GNAS: variants seen among roughly 807,000 people sequenced by gnomAD.
The protein encoded by GNAS is protein ALEX.
Under a neutral mutation model 54.5 loss-of-function variants are expected in GNAS, and 8 were observed. The ratio of observed to expected loss-of-function variants is 0.15; its 90% confidence interval spans 0.09 to 0.26. The LOEUF (loss-of-function observed/expected upper bound fraction) is 0.26. GNAS is among the 10% of genes least tolerant of loss of function. The pLI is 1.00. For missense variants in GNAS, 170 were observed against 529.8 expected (o/e 0.32, Z 6.67); for synonymous variants, 204 against 191.4 (o/e 1.07, Z -0.54).
chr20:58,892,039 T>G, intron 1 of GNAS, 174 bp downstream of exon 1: 10 of 859,904 alleles, frequency 1.2e-5, no homozygotes, highest in Non-Finnish European at 1.4e-5. Context: ...GGGCGCGGAT[T>G]CGGCCGGGCG....
intron 1 of GNAS, chr20:58,854,031 G>A: frequency 1.2e-6 from 2 of 1,611,036 alleles, no homozygotes; most frequent in South Asian, 2.2e-5. Flanking sequence ...CAGCCAGTTC[G>A]CGGCAGTCGC....
intron 1 of GNAS, among the ~76,000 whole-genome samples, chr20:58,860,263 C>T (rs1349557907): frequency 2.7e-5 from 4 of 150,592 alleles, no homozygotes; most frequent in South Asian, 2.1e-4. Flanking sequence ...AGCACTGCAA[C>T]GTTGCAGTCT....
At chr20:58,849,089 G>A (rs2086051143) in intron 1 of GNAS, among the ~76,000 whole-genome samples, 1 of 152,160 alleles carries the variant, frequency 6.6e-6, no homozygotes, top group Non-Finnish European at 1.5e-5. Context: ...TTGCCCCCCA[G>A]AGGACATTTA....
At chr20:58,884,773 C>CT (rs2088475815) in intron 1 of GNAS, 1 of 152,210 alleles carries the variant, frequency 6.6e-6, no homozygotes, top group Admixed American at 6.5e-5. Flanking sequence ...CGGCAAAACT[C>CT]TTAAATATTT....
chr20:58,873,184 T>A lies in GNAS; in HGVS notation c.44-22428T>A, dbSNP rs1432501486. 6.6e-6 allele frequency among the ~76,000 whole-genome samples: 1 copy of A among 152,124 alleles called. No homozygotes were observed. The highest frequency in any genetic ancestry group is 2.4e-5 in the African/African-American group (1 of 41,430). ...AAAATAATTGCTGATCTAATAGCTA[T>A]GAAAAGGAACTCATTCACAAATATG... On this transcript the variant is annotated intron_variant, in intron 1 of 12. Transcript: ENST00000306090. This position sits in a 1 kb window ranked among gnomAD's most constrained non-coding sequence, Gnocchi z 4.3.
chr20:58,870,435 C>G (rs896664458), intron 1 of GNAS, among the ~76,000 whole-genome samples: 1 of 152,208 alleles, frequency 6.6e-6, no homozygotes, highest in African/African-American at 2.4e-5. Context: ...TCCAACCTTT[C>G]CTGGGCCATG....
intron 1 of GNAS, among the ~76,000 whole-genome samples, chr20:58,848,134 G>A (rs2086006244): frequency 6.6e-6 from 1 of 152,232 alleles, no homozygotes; most frequent in Admixed American, 6.5e-5. Flanking sequence ...AGAGTTTAAT[G>A]GAAGCATGAG....
At chr20:58,897,176 A>T (rs1037749368) in intron 2 of GNAS, among the ~76,000 whole-genome samples, 4 of 152,242 alleles carry the variant, frequency 2.6e-5, no homozygotes, top group Non-Finnish European at 5.9e-5. Context: ...ACATGCACAT[A>T]CGTGCTATTG....
At chr20:58,854,439 G>C (rs1341044915) in intron 1 of GNAS, 5 of 1,574,102 alleles carry the variant, frequency 3.2e-6, no homozygotes. Flanking sequence ...GGATACCGCT[G>C]CCAGGGCAGC....
intron 6 of GNAS, among the ~76,000 whole-genome samples, chr20:58,908,189 T>C (rs1324789650): frequency 6.6e-6 from 1 of 152,068 alleles, no homozygotes; most frequent in Non-Finnish European, 1.5e-5. Flanking sequence ...TAGCCCGCTT[T>C]AAAACAATTC....
At chr20:58,883,366 G>A (rs1476298970) in intron 1 of GNAS, among the ~76,000 whole-genome samples, 3 of 152,150 alleles carry the variant, frequency 2.0e-5, no homozygotes, top group Non-Finnish European at 4.4e-5. Context: ...TAAGGCAACC[G>A]AAAAACAGGA....
chr20:58,862,863 TC>T (rs961912989), intron 1 of GNAS, among the ~76,000 whole-genome samples: 3 of 149,402 alleles, frequency 2.0e-5, no homozygotes, highest in Non-Finnish European at 3.0e-5. Flanking sequence ...CCTATCCAGC[TC>T]CCCCTTCTGT....
intron 1 of GNAS, among the ~76,000 whole-genome samples, chr20:58,894,387 A>C (rs79318740): frequency 2.8e-4 from 42 of 152,370 alleles, no homozygotes; most frequent in African/African-American, 1.0e-3. Flanking sequence ...CTTTGAAATC[A>C]ATGTTTCTGT....
Position 58,892,267 on chromosome 20 carries a change from G to A in GNAS, c.139+402G>A, listed in dbSNP as rs994404917. 14 of 824,664 alleles carry A rather than the reference G, an allele frequency of 1.7e-5. No individual in the cohort carries two copies. The Admixed American group carries it at 1.9e-4, about 11-fold the overall frequency. 51.1% of individuals were successfully genotyped at this position (824,664 alleles called of 1,614,324 possible). A position where few individuals can be genotyped will look rare whatever the true frequency, so the allele number is the denominator to read the frequency against. ...GGGGCTCCGGAGACTGCGACAAAAAGAGGGTTTCGGGGACAGGAAACCGGG... is the reference window on the plus strand; with the variant it reads ...GGGGCTCCGGAGACTGCGACAAAAAAAGGGTTTCGGGGACAGGAAACCGGG... On this transcript the variant is annotated intron_variant, in intron 1 of 12. Transcript: ENST00000371085.
chr20:58,855,231 C>G (rs1376327056), intron 1 of GNAS: 2 of 1,594,816 alleles, frequency 1.3e-6, no homozygotes, highest in Non-Finnish European at 1.7e-6. Context: ...CCTGGAGAAG[C>G]GGGCCCAGAA....
At chr20:58,905,576 G>T (rs1463298554) in intron 6 of GNAS, 96 bp downstream of exon 6, 1 of 788,884 alleles carries the variant, frequency 1.3e-6, no homozygotes, top group African/African-American at 1.7e-5. Context: ...ACTTGTTGAT[G>T]ATTCCTTTCT....
intron 1 of GNAS, among the ~76,000 whole-genome samples, chr20:58,864,987 T>A (rs922322285): frequency 1.1e-4 from 16 of 152,016 alleles, no homozygotes; most frequent in Non-Finnish European, 2.4e-4. Flanking sequence ...TCTCTCTCTC[T>A]CTCTCTGACA....
At position 58,864,967 on chromosome 20, in the gene GNAS, G is replaced by A. The variant is rs1296759749; in HGVS notation, c.43+24081G>A. Among the ~76,000 whole-genome samples the A allele has an allele frequency of 3.4e-5, 5 of 146,496 alleles. No homozygotes were observed. The East Asian group carries it at 5.9e-4, about 17-fold the overall frequency. The stretch of plus-strand genomic sequence containing the variant: ...CACACACACACACACAAACACACAC[G>A]CACGCACACTCTCTCTCTCTCTCTC... On this transcript the variant is annotated intron_variant, in intron 1 of 12. Transcript: ENST00000306090.
intron 1 of GNAS, among the ~76,000 whole-genome samples, chr20:58,892,751 T>C (rs2089595461): frequency 6.6e-6 from 1 of 151,116 alleles, no homozygotes; most frequent in Non-Finnish European, 1.5e-5. Context: ...TGGATAGAGT[T>C]AGTACGAGAA....
Sources: gnomAD v4.1 joint callset for allele counts (sites outside exome capture counted in the v4.1 genomes callset) on GRCh38, gnomAD v4.1.1 for gene constraint, Gnocchi (gnomAD v3.1) non-coding constraint, MANE v1.5 for transcripts, NCBI Gene and HGNC (gene_info 2026-07-23, HGNC 2026-07-21) for gene names.